MAP4K1: variants seen among roughly 807,000 people sequenced by gnomAD.
MAP4K1 encodes mitogen-activated protein kinase kinase kinase kinase 1.
MAP4K1 carries 35 observed loss-of-function variants against 122.8 expected under a neutral mutation model. The observed-to-expected ratio is 0.29, with a 90% CI of 0.22 to 0.38. The LOEUF (loss-of-function observed/expected upper bound fraction) is 0.38, where lower values mean the gene tolerates loss of function less well. MAP4K1 is among the 10% of genes least tolerant of loss of function. The pLI, the probability that MAP4K1 is intolerant of heterozygous loss-of-function variation, is 1.00. For synonymous variants in MAP4K1, 412 were observed against 421.3 expected, an observed-to-expected ratio of 0.98 and a Z score of 0.27; for missense variants, 791 against 1,072.6, an observed-to-expected ratio of 0.74 and a Z score of 3.67.
At chr19:38,612,154 T>G (rs1170926454) in intron 9 of MAP4K1, among the ~76,000 whole-genome samples, 1 of 151,760 alleles carries the variant, frequency 6.6e-6, no homozygotes, top group Non-Finnish European at 1.5e-5. Flanking sequence ...GTGCAGTGGT[T>G]CACGCCTGTA....
chr19:38,589,613 C>T (rs1385169882), intron 30 of MAP4K1, among the ~76,000 whole-genome samples: 3 of 152,034 alleles, frequency 2.0e-5, no homozygotes, highest in Non-Finnish European at 4.4e-5. Context: ...CAGGGTTTCT[C>T]CACATTGGTC....
chr19:38,616,405 G>C (rs1047602481), intron 3 of MAP4K1, 146 bp from the exon 4 acceptor site: 2 of 566,858 alleles, frequency 3.5e-6, no homozygotes, highest in Non-Finnish European at 6.1e-6. Flanking sequence ...TTGTCTACCA[G>C]AGTGAGGTTG....
At chr19:38,615,842 A>G (rs185710943) in intron 4 of MAP4K1, among the ~76,000 whole-genome samples, 243 of 152,106 alleles carry the variant, frequency 1.6e-3, no homozygotes, top group Non-Finnish European at 2.9e-3. Flanking sequence ...TATTTTTAGT[A>G]GAGGCGGGGT....
chr19:38,601,391 T>C, intron 20 of MAP4K1, 50 bp downstream of exon 20: 1 of 1,517,476 alleles, frequency 6.6e-7, no homozygotes, highest in Middle Eastern at 1.7e-4. Context: ...CACCCCTACT[T>C]TTGCTCTCCC....
At chr19:38,594,686 C>T (rs867764268) in intron 29 of MAP4K1, among the ~76,000 whole-genome samples, 3 of 151,510 alleles carry the variant, frequency 2.0e-5, no homozygotes, top group Admixed American at 6.6e-5. Context: ...CACCTGTAAT[C>T]CTAGCACTTT....
At chr19:38,596,518 G>A in intron 25 of MAP4K1, 32 bp from the exon 26 acceptor site, 1 of 1,496,422 alleles carries the variant, frequency 6.7e-7, no homozygotes, top group South Asian at 1.3e-5. Context: ...GCGGGCTAGG[G>A]GGTGGTTCAG....
intron 4 of MAP4K1, among the ~76,000 whole-genome samples, chr19:38,615,213 C>T (rs999057557): frequency 6.5e-5 from 9 of 138,968 alleles, no homozygotes; most frequent in Non-Finnish European, 1.4e-4. Flanking sequence ...TGGAAAGCAG[C>T]AAAGGGGGTG....
chr19:38,603,556 G>A (rs62120355), intron 19 of MAP4K1, among the ~76,000 whole-genome samples: 7,019 of 151,968 alleles, frequency 0.046, 186 homozygotes, highest in Admixed American at 0.068. Context: ...ACTTTTAGCC[G>A]GTAGCCAACC....
intron 16 of MAP4K1, 34 bp downstream of exon 16, chr19:38,607,830 G>A: frequency 6.2e-7 from 1 of 1,606,480 alleles, no homozygotes; most frequent in Non-Finnish European, 8.5e-7. Flanking sequence ...GGCTGAGGTG[G>A]GGCCTGTGGA....
At position 38,605,564 on chromosome 19, in the gene MAP4K1, T is replaced by C; in HGVS notation, c.1363+4A>G. On this transcript the variant is annotated splice_donor_region_variant and intron_variant, in intron 18 of 30. Transcript: ENST00000396857. ...CCGCCCTCCACCCTAGCCTGTCCCA[T>C]TACCTGAATGGGCGGTGAGGTGGGG... is the stretch of plus-strand genomic sequence containing the variant. The C allele has an allele frequency of 7.6e-7, 1 of 1,308,590 alleles. No individual in the cohort carries two copies. Among genetic ancestry groups the C allele is most frequent in the Non-Finnish European group, 1.0e-6 (1 of 984,014 alleles). 81.1% of individuals were successfully genotyped at this position (1,308,590 alleles called of 1,614,324 possible).
intron 9 of MAP4K1, among the ~76,000 whole-genome samples, chr19:38,611,525 G>A (rs779661051): frequency 7.2e-5 from 11 of 152,182 alleles, no homozygotes; most frequent in African/African-American, 2.4e-4. Flanking sequence ...GTTCACGCCC[G>A]TAATCCCAAC....
Position 38,617,310 on chromosome 19 carries a change from T to G in MAP4K1, c.248+44A>C. 1 of 1,363,518 alleles carries G rather than the reference T, an allele frequency of 7.3e-7. No individual in the cohort carries two copies. The highest frequency in any genetic ancestry group is 1.0e-6 in the Non-Finnish European group (1 of 953,354). 84.5% of individuals were successfully genotyped at this position (1,363,518 alleles called of 1,614,324 possible). A position where few individuals can be genotyped will look rare whatever the true frequency, so the allele number is the denominator to read the frequency against. On this transcript the variant is annotated intron_variant, in intron 3 of 30. Transcript: ENST00000396857. The surrounding 1 kb of genome is among the most constrained non-coding windows in gnomAD (Gnocchi z 4.1). ...CCCATCAAGAAATGGGGACTCCGGG[T>G]TAGGGGCTGGGCTGGGTGCCAGGGT...
At chr19:38,603,233 C>CAT (rs199844465) in intron 19 of MAP4K1, among the ~76,000 whole-genome samples, 15 of 145,582 alleles carry the variant, frequency 1.0e-4, no homozygotes, top group African/African-American at 3.3e-4. Context: ...TACATATACA[C>CAT]ATATATATAC....
At position 38,617,401 on chromosome 19, in the gene MAP4K1, T is replaced by G; in HGVS notation, c.201A>C (p.Lys67Asn). Residue 67 changes from lysine (K) to asparagine (N), a missense_variant, in exon 3 of 31, where the codon AAA becomes AAC. This residue lies in a region of MAP4K1 where 163 missense variants were observed against 286.1 expected (regional missense o/e 0.57). Coordinates refer to ENST00000396857, the MANE Select transcript of MAP4K1 (RefSeq NM_001042600.3). The surrounding 1 kb of genome is among the most constrained non-coding windows in gnomAD (Gnocchi z 4.1). The part of the protein sequence containing the change: ...STLQKEILIL[K>N]TCRHANIVAY... ...CCACGATGTTGGCGTGCCGGCAAGT[T>G]TTCAATATGAGGATTTCCTTCTGAA... is the stretch of plus-strand genomic sequence containing the variant. 1 of 1,613,884 alleles carries G rather than the reference T, an allele frequency of 6.2e-7. No homozygotes were observed. Among genetic ancestry groups the G allele is most frequent in the Non-Finnish European group, 8.5e-7 (1 of 1,179,956 alleles).
chr19:38,617,572 C>T lies in MAP4K1; in HGVS notation c.153G>A (p.Glu51=), dbSNP rs1671968494. The T allele has an allele frequency of 6.2e-7, 1 of 1,614,076 alleles. No homozygotes were observed. Among genetic ancestry groups the T allele is most frequent in the Non-Finnish European group, 8.5e-7 (1 of 1,179,984 alleles). The change falls in exon 2 of 31, where the codon GAG becomes GAA. Residue 51 remains glutamate (E), a synonymous_variant. Coordinates refer to ENST00000396857, the MANE Select transcript of MAP4K1 (RefSeq NM_001042600.3). The surrounding 1 kb of genome is among the most constrained non-coding windows in gnomAD (Gnocchi z 4.1). ...DLVALKMVKM[E]PDDDVSTLQK... is the part of the protein sequence containing the mutation. Reference sequence around the variant, plus strand: ...AGCTCCATGTTCCCTCCTCACCAGGCTCCATCTTCACCATCTTCAGTGCCA... The same window carrying T: ...AGCTCCATGTTCCCTCCTCACCAGGTTCCATCTTCACCATCTTCAGTGCCA...
Position 38,608,094 on chromosome 19 carries a change from G to A in MAP4K1, c.1065+18C>T, listed in dbSNP as rs41274336. 0.035 allele frequency: 53,703 copies of A among 1,550,074 alleles called. 1,082 individuals carry two copies. Among genetic ancestry groups the A allele is most frequent in the Non-Finnish European group, 0.039 (44,591 of 1,149,004 alleles). Reference sequence around the variant, plus strand: ...GGAAGCAGGCGGTGTGGTGGGGAGTGGGGGGACAGCATCTCACGGTGTTGG... The same window carrying A: ...GGAAGCAGGCGGTGTGGTGGGGAGTAGGGGGACAGCATCTCACGGTGTTGG... On this transcript the variant is annotated intron_variant, in intron 14 of 30. Coordinates refer to ENST00000396857, the MANE Select transcript of MAP4K1 (RefSeq NM_001042600.3).
At chr19:38,602,654 A>G (rs1975120191) in intron 19 of MAP4K1, among the ~76,000 whole-genome samples, 1 of 92,500 alleles carries the variant, frequency 1.1e-5, no homozygotes, top group Non-Finnish European at 1.9e-5. Flanking sequence ...ACATATATAC[A>G]TATATACACA....
chr19:38,606,252 G>A lies in MAP4K1; in HGVS notation c.1158-37C>T, dbSNP rs1390774043. ...AGATGGGTTAAATAGCTGGGGGGCT[G>A]GGGAACAAGGACTCGGGGAAGATGG... On this transcript the variant is annotated intron_variant, in intron 16 of 30. Transcript: ENST00000396857. The A allele has an allele frequency of 6.3e-6, 7 of 1,119,668 alleles. No individual in the cohort carries two copies. In the South Asian group the frequency reaches 9.0e-5, roughly 14 times the overall value. 69.4% of individuals were successfully genotyped at this position (1,119,668 alleles called of 1,614,324 possible).
In MAP4K1 at chr19:38,597,782, C is replaced by A. The variant is rs138687562; in HGVS notation, c.1670-188G>T. Among the ~76,000 whole-genome samples the A allele has an allele frequency of 4.0e-3, 606 of 152,200 alleles. 3 individuals are homozygous for A. The highest frequency in any genetic ancestry group is 0.014 in the African/African-American group (571 of 41,536). Reference sequence around the variant, plus strand: ...GATTGAACGTCCATTGTAGGCCAGGCCTGCTGTGCTTGGCTCTGGTGAACA... The same window carrying A: ...GATTGAACGTCCATTGTAGGCCAGGACTGCTGTGCTTGGCTCTGGTGAACA... On this transcript the variant is annotated intron_variant, in intron 22 of 30. Coordinates refer to ENST00000396857, the MANE Select transcript of MAP4K1 (RefSeq NM_001042600.3). This position sits in a 1 kb window ranked among gnomAD's most constrained non-coding sequence, Gnocchi z 4.6.
Sources: gnomAD v4.1 joint callset for allele counts (sites outside exome capture counted in the v4.1 genomes callset) on GRCh38, gnomAD v4.1.1 for gene constraint, gnomAD v4.1.1 regional missense constraint, Gnocchi (gnomAD v3.1) non-coding constraint, MANE v1.5 for transcripts, NCBI Gene and HGNC (gene_info 2026-07-23, HGNC 2026-07-21) for gene names.